SLC4A3: variants seen among roughly 807,000 people sequenced by gnomAD.
The protein encoded by SLC4A3 is solute carrier family 4 member 3, also known as anion exchange protein 3.
Under a neutral mutation model 114.2 loss-of-function variants are expected in SLC4A3, and 47 were observed. That is an observed-to-expected ratio of 0.41 (90% CI 0.33 to 0.52). The LOEUF (loss-of-function observed/expected upper bound fraction) is 0.52, where lower values mean the gene tolerates loss of function less well. SLC4A3 is among the 20% of genes least tolerant of loss of function. The pLI is 0.21. For missense variants in SLC4A3, 1,312 were observed against 1,668.3 expected (o/e 0.79, Z 3.72); for synonymous variants, 693 against 710.3 (o/e 0.98, Z 0.39).
Position 219,629,398 on chromosome 2 carries a change from T to C in SLC4A3, c.472T>C (p.Ser158Pro), listed in dbSNP as rs766615102. The C allele has an allele frequency of 1.6e-5, 26 of 1,580,230 alleles. No homozygotes were observed. Among genetic ancestry groups the C allele is most frequent in the South Asian group, 2.3e-5 (2 of 85,400 alleles). Residue 158 changes from serine to proline, a missense_variant, in exon 4 of 23, where the codon TCA becomes CCA. By Grantham distance (74) the Ser-to-Pro change is moderately conservative. This residue lies in a region of SLC4A3 where 236 missense variants were observed against 212.1 expected (regional missense o/e 1.11). Transcript: ENST00000358055. The stretch of plus-strand genomic sequence containing the variant: ...GGCAGAACCTGTGGAGCCCCCCCAC[T>C]CAGGGACCCCACAGAAGGCAAAGGT... ...SEAEPVEPPH[S>P]GTPQKAKFSI... is the part of the protein sequence containing the mutation.
Position 219,638,641 on chromosome 2 carries a change from G to A in SLC4A3, c.2857-62G>A, listed in dbSNP as rs1327725390. 6.4e-7 allele frequency: 1 copy of A among 1,566,860 alleles called. No individual in the cohort carries two copies. Among genetic ancestry groups the A allele is most frequent in the Non-Finnish European group, 8.7e-7 (1 of 1,150,016 alleles). ...GACTGGGGACGCAGCTTAGTGGGCTGCTTGGTGGGCTTTCTAGCATGGGGA... is the reference window on the plus strand; with the variant it reads ...GACTGGGGACGCAGCTTAGTGGGCTACTTGGTGGGCTTTCTAGCATGGGGA... On this transcript the variant is annotated intron_variant, in intron 18 of 22. Transcript: ENST00000358055. This position sits in a 1 kb window ranked among gnomAD's most constrained non-coding sequence, Gnocchi z 7.5.
Position 219,628,500 on chromosome 2 carries a change from C to T in SLC4A3, c.147C>T (p.Asp49=). 6.2e-7 allele frequency: 1 copy of T among 1,613,806 alleles called. No individual in the cohort carries two copies. Among genetic ancestry groups the T allele is most frequent in the Non-Finnish European group, 8.5e-7 (1 of 1,179,902 alleles). ...CCTTGGCTGTGAGCAGGTTTGGGGA[C>T]CTCATCAGCAAGCCCCCGGCCTGGG... ...GKTLAVSRFG[D]LISKPPAWDP... The change falls in exon 3 of 23, where the codon GAC becomes GAT. Residue 49 remains aspartate (D), a synonymous_variant. Transcript: ENST00000358055. The surrounding 1 kb of genome is among the most constrained non-coding windows in gnomAD (Gnocchi z 4.8).
rs1699113133 is a variant in SLC4A3 at position 219,636,256 on chromosome 2, A to C, written c.2192-46A>C. On this transcript the variant is annotated intron_variant, in intron 14 of 22. Transcript: ENST00000358055. This position sits in a 1 kb window ranked among gnomAD's most constrained non-coding sequence, Gnocchi z 5.5. ...GGACAAGCTAGATGAAGAAGGGGGC[A>C]GATAGACAGAGCCAGGCTAGGGCCA... 6.2e-7 allele frequency: 1 copy of C among 1,608,224 alleles called. No individual in the cohort carries two copies. The highest frequency in any genetic ancestry group is 1.3e-5 in the African/African-American group (1 of 74,828).
Position 219,628,408 on chromosome 2 carries a change from C to T in SLC4A3, c.55C>T (p.Arg19Trp), listed in dbSNP as rs776495005. The T allele has an allele frequency of 3.1e-6, 5 of 1,609,874 alleles. No homozygotes were observed. The highest frequency in any genetic ancestry group is 3.4e-6 in the Non-Finnish European group (4 of 1,178,554). ...CAGAGGCCGTCTGGGCCTGCAGGTC[C>T]GGGTGCCCTTGGAGGAGCCCCCTCT... ...PGGASPLPQVRVPLEEPPLSP... is the reference protein window; with the variant it reads ...PGGASPLPQVWVPLEEPPLSP... Residue 19 changes from arginine to tryptophan, a missense_variant, in exon 3 of 23, where the codon CGG becomes TGG. Transcript: ENST00000358055. The surrounding 1 kb of genome is among the most constrained non-coding windows in gnomAD (Gnocchi z 4.8).
Position 219,628,975 on chromosome 2 carries a change from G to C in SLC4A3, c.218-169G>C, listed in dbSNP as rs1458673348. ...TCCACCCTCTCCTCCCACTCCACCAGACCTCATCAATGACAGGCACGTGGA... is the reference window on the plus strand; with the variant it reads ...TCCACCCTCTCCTCCCACTCCACCACACCTCATCAATGACAGGCACGTGGA... On this transcript the variant is annotated intron_variant, in intron 3 of 22. Coordinates refer to ENST00000358055, the MANE Select transcript of SLC4A3 (RefSeq NM_005070.4). The surrounding 1 kb of genome is among the most constrained non-coding windows in gnomAD (Gnocchi z 4.8). Among the ~76,000 whole-genome samples the C allele has an allele frequency of 1.3e-5, 2 of 152,060 alleles. No individual in the cohort carries two copies. Among genetic ancestry groups the C allele is most frequent in the Non-Finnish European group, 2.9e-5 (2 of 68,002 alleles).
chr2:219,634,462 G>A lies in SLC4A3; in HGVS notation c.1604G>A (p.Arg535His), dbSNP rs34807189. 1.5e-5 allele frequency: 24 copies of A among 1,614,164 alleles called. No homozygotes were observed. The highest frequency in any genetic ancestry group is 2.2e-5 in the South Asian group (2 of 91,078). Residue 535 changes from arginine (R) to histidine (H), a missense_variant, in exon 12 of 23, where the codon CGT becomes CAT. Coordinates refer to ENST00000358055, the MANE Select transcript of SLC4A3 (RefSeq NM_005070.4). ...GAGCAGCCTGCAGCAGCCTTCGTGC[G>A]TCTGAATGAGGCTGTACTCCTGGAG... ...FLEQPAAAFV[R>H]LNEAVLLESV...
chr2:219,640,092 C>A (rs2106205369), intron 20 of SLC4A3, among the ~76,000 whole-genome samples: 1 of 152,306 alleles, frequency 6.6e-6, no homozygotes. Flanking sequence ...CCACGCCCAG[C>A]TAATTTTTTG....
intron 4 of SLC4A3, 49 bp from the exon 5 acceptor site, chr2:219,629,531 C>T (rs1340646701): frequency 6.3e-7 from 1 of 1,581,828 alleles, no homozygotes. Flanking sequence ...GGGTTGGGGG[C>T]TGTATGGTAG....
In SLC4A3 at chr2:219,636,343, G is replaced by T. The variant is rs387907533; in HGVS notation, c.2233G>T (p.Val745Leu). ...GCTGATGGGCGTGTCCGAGCTGATC[G>T]TGTCCACCGCTGTGCTCGGCGTCCT... ...EGLMGVSELIVSTAVLGVLFS... is the reference protein window; with the variant it reads ...EGLMGVSELILSTAVLGVLFS... Residue 745 changes from valine to leucine, a missense_variant, in exon 15 of 23, where the codon GTG becomes TTG. Physicochemically the swap from Val to Leu is conservative, Grantham distance 32 (BLOSUM62 1). Transcript: ENST00000358055. This position sits in a 1 kb window ranked among gnomAD's most constrained non-coding sequence, Gnocchi z 5.5. The T allele has an allele frequency of 6.2e-7, 1 of 1,613,780 alleles. No homozygotes were observed. Among genetic ancestry groups the T allele is most frequent in the South Asian group, 1.1e-5 (1 of 91,070 alleles).
At chr2:219,632,745 C>A in intron 8 of SLC4A3, 129 bp from the exon 9 acceptor site, 1 of 1,175,978 alleles carries the variant, frequency 8.5e-7, no homozygotes, top group Non-Finnish European at 1.2e-6. Context: ...AGCTGTGTAT[C>A]CATCTGGGTA....
chr2:219,638,086 C>T lies in SLC4A3; in HGVS notation c.2767-78C>T, dbSNP rs1311374490. On this transcript the variant is annotated intron_variant, in intron 17 of 22. Transcript: ENST00000358055. This position sits in a 1 kb window ranked among gnomAD's most constrained non-coding sequence, Gnocchi z 7.5. ...GCTCCAGCTTGGACCCAGGCAGGGC[C>T]AGAGATGGCAAGCCCCGTGTTAGTC... 8.2e-6 allele frequency: 10 copies of T among 1,222,856 alleles called. No individual in the cohort carries two copies. Among genetic ancestry groups the T allele is most frequent in the Admixed American group, 2.0e-5 (1 of 50,816 alleles). The allele number at this position is 1,222,856 out of a possible 1,614,324, so 75.8% of individuals were successfully genotyped here. A position where few individuals can be genotyped will look rare whatever the true frequency, so the allele number is the denominator to read the frequency against.
Position 219,637,962 on chromosome 2 carries a change from T to C in SLC4A3, c.2766+151T>C, listed in dbSNP as rs1438358218. On this transcript the variant is annotated intron_variant, in intron 17 of 22. Coordinates refer to ENST00000358055, the MANE Select transcript of SLC4A3 (RefSeq NM_005070.4). The surrounding 1 kb of genome is among the most constrained non-coding windows in gnomAD (Gnocchi z 4.6). ...CCCCTTCGGAAGCCTCTTCCCTGGG[T>C]GTCTTCTTGCCCTTTGCTCAGAGAA... 5 of 722,350 alleles carry C rather than the reference T, an allele frequency of 6.9e-6. No individual in the cohort carries two copies. Among genetic ancestry groups the C allele is most frequent in the Admixed American group, 2.3e-5 (1 of 42,818 alleles). 44.7% of individuals were successfully genotyped at this position (722,350 alleles called of 1,614,324 possible).
rs760807983 is a variant in SLC4A3, at chr2:219,632,331, T to C, written c.1030T>C (p.Trp344Arg). ...GCCCCACTGGCGGGAGACGGCCCGCTGGATCAAGTTTGAGGAGGACGTGGA... is the reference window on the plus strand; with the variant it reads ...GCCCCACTGGCGGGAGACGGCCCGCCGGATCAAGTTTGAGGAGGACGTGGA... ...QEPHWRETAR[W>R]IKFEEDVEEE... The change falls in exon 8 of 23, where the codon TGG becomes CGG. Residue 344 changes from tryptophan (W) to arginine (R), a missense_variant. Trp to Arg is a moderately radical substitution (Grantham distance 101). This residue lies in a region of SLC4A3 where 771 missense variants were observed against 977.7 expected (regional missense o/e 0.79). Transcript: ENST00000358055. 2 of 1,614,054 alleles carry C rather than the reference T, an allele frequency of 1.2e-6. No individual in the cohort carries two copies. Among genetic ancestry groups the C allele is most frequent in the Non-Finnish European group, 8.5e-7 (1 of 1,180,008 alleles).
chr2:219,634,511 G>T lies in SLC4A3; in HGVS notation c.1653G>T (p.Pro551=), dbSNP rs138294583. 30 of 1,614,066 alleles carry T rather than the reference G, an allele frequency of 1.9e-5. No homozygotes were observed. The highest frequency in any genetic ancestry group is 2.2e-5 in the South Asian group (2 of 91,086). The change falls in exon 12 of 23, where the codon CCG becomes CCT. Residue 551 remains proline, a synonymous_variant. Transcript: ENST00000358055. ...AGTCTGTGCTTGAGGTCCCTGTCCCGGTCCGCTTCCTCTTCGTGATGCTGG... is the reference window on the plus strand; with the variant it reads ...AGTCTGTGCTTGAGGTCCCTGTCCCTGTCCGCTTCCTCTTCGTGATGCTGG... ...LLESVLEVPV[P]VRFLFVMLGP...
chr2:219,634,739 G>C, intron 12 of SLC4A3, 135 bp downstream of exon 12: 6 of 938,660 alleles, frequency 6.4e-6, no homozygotes, highest in Non-Finnish European at 7.8e-6. Context: ...GGAGGGTGGT[G>C]GGGGGAGCTG....
In SLC4A3 at chr2:219,637,838, C is replaced by T. The variant is rs779369456; in HGVS notation, c.2766+27C>T. ...TGCGTGGCTGCTGGGTGTGGAGCCC[C>T]CAAGAGTCCCACAATTCCTGCTGTA... On this transcript the variant is annotated intron_variant, in intron 17 of 22. Coordinates refer to ENST00000358055, the MANE Select transcript of SLC4A3 (RefSeq NM_005070.4). This position sits in a 1 kb window ranked among gnomAD's most constrained non-coding sequence, Gnocchi z 4.6. The T allele has an allele frequency of 6.5e-7, 1 of 1,539,870 alleles. No homozygotes were observed. Among genetic ancestry groups the T allele is most frequent in the Non-Finnish European group, 9.0e-7 (1 of 1,112,906 alleles).
In SLC4A3 at chr2:219,640,431, C is replaced by A. The variant is rs372588183; in HGVS notation, c.3279C>A (p.Gly1093=). The A allele has an allele frequency of 1.2e-5, 20 of 1,612,078 alleles. No homozygotes were observed. In the African/African-American group the frequency reaches 2.4e-4, roughly 19 times the overall value. Reference sequence around the variant, plus strand: ...GCGGGTCTGTGTCACCTCCTCCAGGCCTGTCCATCGTCATGGGGGCTGTGC... The same window carrying A: ...GCGGGTCTGTGTCACCTCCTCCAGGACTGTCCATCGTCATGGGGGCTGTGC... ...VTGVLIASLV[G]LSIVMGAVLR... is the part of the protein sequence containing the mutation. Residue 1093 remains glycine, a splice_region_variant and synonymous_variant, in exon 21 of 23, where the codon GGC becomes GGA. Transcript: ENST00000358055.
chr2:219,630,034 A>G lies in SLC4A3; in HGVS notation c.612-119A>G, dbSNP rs1473484357. ...CCTGGGTCAGCATCCTTTGCTGCCCAGGAGGGGCCTGGGTCTCATGCTCAG... is the reference window on the plus strand; with the variant it reads ...CCTGGGTCAGCATCCTTTGCTGCCCGGGAGGGGCCTGGGTCTCATGCTCAG... On this transcript the variant is annotated intron_variant, in intron 5 of 22. Coordinates refer to ENST00000358055, the MANE Select transcript of SLC4A3 (RefSeq NM_005070.4). This position sits in a 1 kb window ranked among gnomAD's most constrained non-coding sequence, Gnocchi z 6.9. 1 of 1,517,238 alleles carries G rather than the reference A, an allele frequency of 6.6e-7. No individual in the cohort carries two copies. The highest frequency in any genetic ancestry group is 1.4e-5 in the African/African-American group (1 of 71,784). The allele number at this position is 1,517,238 out of a possible 1,614,324, so 94.0% of individuals were successfully genotyped here. A position where few individuals can be genotyped will look rare whatever the true frequency, so the allele number is the denominator to read the frequency against.
Position 219,629,262 on chromosome 2 carries a change from G to A in SLC4A3, c.336G>A (p.Lys112=), listed in dbSNP as rs1698831468. Residue 112 remains lysine (K), a synonymous_variant, in exon 4 of 23, where the codon AAG becomes AAA. Coordinates refer to ENST00000358055, the MANE Select transcript of SLC4A3 (RefSeq NM_005070.4). ...SARHTRRKRK[K]EKTSAPPSEG... is the part of the protein sequence containing the mutation. ...GGCACACCAGGAGAAAGAGGAAGAA[G>A]GAGAAAACCTCTGCTCCTCCCTCCG... is the stretch of plus-strand genomic sequence containing the variant. The A allele has an allele frequency of 6.2e-7, 1 of 1,614,008 alleles. No homozygotes were observed.
Sources: allele counts gnomAD v4.1 joint callset (sites outside exome capture counted in the v4.1 genomes callset), GRCh38; gene constraint gnomAD v4.1.1; regional missense constraint gnomAD v4.1.1; non-coding constraint Gnocchi (gnomAD v3.1); transcripts MANE v1.5; gene names NCBI Gene and HGNC (gene_info 2026-07-23, HGNC 2026-07-21).